The following ROBO2 variants were observed in gnomAD, a reference collection of about 807,000 sequenced individuals.
ROBO2 encodes roundabout homolog 2.
Under a neutral mutation model 160.8 loss-of-function variants are expected in ROBO2, and 53 were observed. That is an observed-to-expected ratio of 0.33 (90% CI 0.26 to 0.41). The LOEUF (loss-of-function observed/expected upper bound fraction) is 0.41, where lower values mean the gene tolerates loss of function less well. Ranked by LOEUF, ROBO2 falls within the 10% of genes least tolerant of loss-of-function variation. ROBO2 has a pLI of 1.00. For synonymous variants in ROBO2, 664 were observed against 611.7 expected, an observed-to-expected ratio of 1.09 and a Z score of -1.26; for missense variants, 1,577 against 1,722.4, an observed-to-expected ratio of 0.92 and a Z score of 1.49.
intron 2 of ROBO2, among the ~76,000 whole-genome samples, chr3:75,980,002 A>G (rs1274246969): frequency 6.6e-6 from 1 of 151,580 alleles, no homozygotes; most frequent in Non-Finnish European, 1.5e-5. Context: ...CAAAATTAAA[A>G]ATCAGTCAGT....
intron 2 of ROBO2, among the ~76,000 whole-genome samples, chr3:76,824,870 T>A (rs1261101730): frequency 6.6e-6 from 1 of 152,182 alleles, no homozygotes; most frequent in African/African-American, 2.4e-5. Context: ...AAGCTGTAGC[T>A]GTGGCCTCGG....
intron 2 of ROBO2, among the ~76,000 whole-genome samples, chr3:76,844,815 A>G (rs1265131276): frequency 6.6e-6 from 1 of 151,984 alleles, no homozygotes; most frequent in Non-Finnish European, 1.5e-5. Flanking sequence ...AGGTCTTTAT[A>G]AAATTGCAAA....
At chr3:76,031,809 T>G (rs996564790) in intron 2 of ROBO2, among the ~76,000 whole-genome samples, 1 of 152,162 alleles carries the variant, frequency 6.6e-6, no homozygotes, top group Admixed American at 6.5e-5. Context: ...ATCAGGGATA[T>G]TGGTCTAAAA....
At chr3:76,870,770 G>A (rs1465111672) in intron 2 of ROBO2, among the ~76,000 whole-genome samples, 4 of 151,362 alleles carry the variant, frequency 2.6e-5, no homozygotes, top group South Asian at 2.1e-4. Flanking sequence ...TTGGTGAAGT[G>A]GTAAATTTAT....
chr3:76,641,400 A>T (rs939630082), intron 2 of ROBO2, among the ~76,000 whole-genome samples: 22 of 152,142 alleles, frequency 1.4e-4, no homozygotes, highest in African/African-American at 5.3e-4. Context: ...CAATATAATC[A>T]TCAGAAAATA....
At chr3:77,646,209 C>T (rs1021743393) in exon 26 of ROBO2, 12 of 472,278 alleles carry the variant, frequency 2.5e-5, no homozygotes, top group African/African-American at 2.4e-4. Context: ...ACATATCCCA[C>T]AGATATTTTC....
chr3:76,737,606 C>T (rs2093734579), intron 2 of ROBO2, among the ~76,000 whole-genome samples: 2 of 152,036 alleles, frequency 1.3e-5, no homozygotes, highest in Admixed American at 6.6e-5. Context: ...TCTATTTTTC[C>T]TTAGCTATAT....
intron 2 of ROBO2, among the ~76,000 whole-genome samples, chr3:77,438,430 G>C (rs2079548867): frequency 6.6e-6 from 1 of 151,688 alleles, no homozygotes; most frequent in Non-Finnish European, 1.5e-5. Flanking sequence ...TATGGAAAGA[G>C]AGTGAGCATA....
chr3:77,382,610 A>G (rs2073647705), intron 2 of ROBO2, among the ~76,000 whole-genome samples: 1 of 151,860 alleles, frequency 6.6e-6, no homozygotes, highest in African/African-American at 2.4e-5. Flanking sequence ...TTACCACTCC[A>G]CTCTGTCTGC....
At chr3:76,542,576 A>C (rs762866673) in intron 2 of ROBO2, among the ~76,000 whole-genome samples, 4 of 152,212 alleles carry the variant, frequency 2.6e-5, no homozygotes, top group Admixed American at 1.3e-4. Flanking sequence ...CAGTAACCTA[A>C]GGCTGAGTTC....
At chr3:76,154,066 T>C (rs2072312521) in intron 2 of ROBO2, among the ~76,000 whole-genome samples, 5 of 152,104 alleles carry the variant, frequency 3.3e-5, no homozygotes. Flanking sequence ...CAGAAAAACA[T>C]ATGCCAATAT....
intron 2 of ROBO2, among the ~76,000 whole-genome samples, chr3:76,705,428 T>G (rs540314390): frequency 1.0e-3 from 157 of 152,226 alleles, no homozygotes; most frequent in Middle Eastern, 3.4e-3. Flanking sequence ...GTCTTTAAAA[T>G]GACTTTATTC....
At position 76,493,262 on chromosome 3, in the gene ROBO2, T is replaced by C. The variant is rs531240356; in HGVS notation, c.109+555660T>C. On this transcript the variant is annotated intron_variant, in intron 2 of 26. Coordinates refer to the ROBO2 transcript ENST00000487694. ...AGTCTTCCTGACACCTGGCACTATT[T>C]TGTCTCTTTCTCTGAAACAAACCTG... Among the ~76,000 whole-genome samples, 10 of 150,026 alleles carry C rather than the reference T, an allele frequency of 6.7e-5. No individual in the cohort carries two copies. The South Asian group carries it at 2.1e-3, about 31-fold the overall frequency.
chr3:76,340,256 G>A (rs1415224750), intron 2 of ROBO2, among the ~76,000 whole-genome samples: 1 of 152,062 alleles, frequency 6.6e-6, no homozygotes, highest in Non-Finnish European at 1.5e-5. Flanking sequence ...AAAAATTCAT[G>A]CTGGCAAGCT....
intron 2 of ROBO2, among the ~76,000 whole-genome samples, chr3:77,103,694 G>T (rs565019622): frequency 2.6e-5 from 4 of 152,284 alleles, no homozygotes; most frequent in Non-Finnish European, 5.9e-5. Context: ...AGAAGGTCTT[G>T]CATTATTTAT....
At chr3:76,916,608 G>T (rs1246436476) in intron 2 of ROBO2, among the ~76,000 whole-genome samples, 2 of 150,344 alleles carry the variant, frequency 1.3e-5, no homozygotes, top group Admixed American at 1.4e-4. Context: ...CAAAGTGCTG[G>T]GATTACAGAC....
At chr3:76,922,878 T>C (rs191474424) in intron 2 of ROBO2, among the ~76,000 whole-genome samples, 3 of 151,866 alleles carry the variant, frequency 2.0e-5, no homozygotes, top group Admixed American at 6.5e-5. Flanking sequence ...AGGGCTGTTA[T>C]TATTTCATTT....
chr3:77,164,918 C>G (rs1474017330), intron 2 of ROBO2, among the ~76,000 whole-genome samples: 1 of 106,852 alleles, frequency 9.4e-6, no homozygotes, highest in African/African-American at 3.1e-5. Context: ...GGCCAGCCGC[C>G]CCGTCCGGGA....
intron 2 of ROBO2, among the ~76,000 whole-genome samples, chr3:76,549,475 C>G (rs1243266008): frequency 6.6e-6 from 1 of 152,162 alleles, no homozygotes. Context: ...ATTAACTCTC[C>G]TCTGAGAAGG....
Sources: gnomAD v4.1 joint callset for allele counts (sites outside exome capture counted in the v4.1 genomes callset) on GRCh38, gnomAD v4.1.1 for gene constraint, MANE v1.5 for transcripts, NCBI Gene and HGNC (gene_info 2026-07-23, HGNC 2026-07-21) for gene names.